Variants in PCMT1 observed in about 807,000 individuals in gnomAD.
PCMT1 encodes protein-L-isoaspartate(D-aspartate) O-methyltransferase.
In PCMT1, 9 loss-of-function variants were observed where a neutral mutation model predicts 29.2. That is an observed-to-expected ratio of 0.31 (90% CI 0.19 to 0.54). The LOEUF is 0.54. Among genes scored for constraint, PCMT1 ranks in the 20% least tolerant of loss-of-function variants. PCMT1 has a pLI of 0.95. For synonymous variants in PCMT1, 98 were observed against 97.5 expected (o/e 1.00, Z -0.03); for missense variants, 184 against 282.2 (o/e 0.65, Z 2.49).
chr6:149,804,370 TTTATAA>T (rs1775945421), intron 7 of PCMT1, among the ~76,000 whole-genome samples: 1 of 152,128 alleles, frequency 6.6e-6, no homozygotes, highest in African/African-American at 2.4e-5. Flanking sequence ...TAATTTATAA[TTTATAA>T]TTATGAAGGA....
intron 1 of PCMT1, among the ~76,000 whole-genome samples, chr6:149,762,591 C>A (rs1313992872): frequency 3.6e-5 from 2 of 55,372 alleles, no homozygotes; most frequent in Non-Finnish European, 6.3e-5. Context: ...ATATATATAT[C>A]TATGATATAT....
chr6:149,797,713 ATGAAGG>A (rs1307956651), intron 6 of PCMT1: 1 of 152,100 alleles, frequency 6.6e-6, no homozygotes, highest in Non-Finnish European at 1.5e-5. Context: ...ATGACCGGGG[ATGAAGG>A]TGACACTGTT....
chr6:149,749,721 G>A (rs1412614002), upstream of PCMT1: 1 of 1,538,842 alleles, frequency 6.5e-7, no homozygotes. Context: ...CATGCGTGCC[G>A]CGGGGGATGC....
chr6:149,808,909 T>G (rs551309152), intron 7 of PCMT1, among the ~76,000 whole-genome samples: 1 of 137,356 alleles, frequency 7.3e-6, no homozygotes, highest in Non-Finnish European at 1.6e-5. Context: ...GTGCTGGGAT[T>G]ACAGGTGTGA....
chr6:149,776,650 T>G (rs1787583623), intron 3 of PCMT1, among the ~76,000 whole-genome samples: 1 of 152,264 alleles, frequency 6.6e-6, no homozygotes, highest in African/African-American at 2.4e-5. Flanking sequence ...TGGGCTCTAG[T>G]GATCCTCTTG....
intron 1 of PCMT1, among the ~76,000 whole-genome samples, chr6:149,770,445 C>T (rs1415111458): frequency 3.9e-5 from 6 of 152,100 alleles, no homozygotes; most frequent in Non-Finnish European, 7.4e-5. Context: ...CACGGTGGCT[C>T]ACACCTATAA....
At chr6:149,787,310 G>GGGAGACCGTGGGGAGAT (rs1788155759) in intron 3 of PCMT1, among the ~76,000 whole-genome samples, 1 of 149,890 alleles carries the variant, frequency 6.7e-6, no homozygotes, top group Non-Finnish European at 1.5e-5. Context: ...CGTGGGGAGA[G>GGGAGACCGTGGGGAGAT]GGAGAGGGAG....
At chr6:149,799,460 T>A (rs575909662) in intron 6 of PCMT1, among the ~76,000 whole-genome samples, 134 of 152,246 alleles carry the variant, frequency 8.8e-4, no homozygotes, top group Middle Eastern at 3.4e-3. Context: ...ATTTCCAACC[T>A]CGAATTCTGT....
intron 1 of PCMT1, among the ~76,000 whole-genome samples, chr6:149,768,813 G>A (rs1285604901): frequency 6.6e-6 from 1 of 151,916 alleles, no homozygotes; most frequent in Non-Finnish European, 1.5e-5. Flanking sequence ...TTTTAGTAGA[G>A]ATGGGGTTTC....
chr6:149,804,838 T>C (rs74392926), intron 7 of PCMT1, among the ~76,000 whole-genome samples: 1 of 149,990 alleles, frequency 6.7e-6, no homozygotes, highest in Admixed American at 6.7e-5. Context: ...GTCTTACTGA[T>C]TTTTTTTTTA....
At chr6:149,791,331 G>A (rs1382626942) in intron 4 of PCMT1, among the ~76,000 whole-genome samples, 1 of 152,206 alleles carries the variant, frequency 6.6e-6, no homozygotes, top group African/African-American at 2.4e-5. Context: ...GAAAAATAAT[G>A]CCTTGTTATA....
intron 7 of PCMT1, among the ~76,000 whole-genome samples, chr6:149,803,053 A>C (rs1281114996): frequency 5.7e-5 from 1 of 17,628 alleles, no homozygotes; most frequent in African/African-American, 8.2e-4. Flanking sequence ...GCTCTGTCTC[A>C]AAAAAAAAAA....
chr6:149,769,770 A>AT lies in PCMT1; in HGVS notation c.56-1366dup, dbSNP rs34274281. On this transcript the variant is annotated intron_variant, in intron 1 of 7. Coordinates refer to ENST00000464889, the MANE Select transcript of PCMT1 (RefSeq NM_001360452.2). ...TGTGCCATGATCCCCAGCTAATTAAATTTTTTTTTTTTTTTTTTTTTTTTT... is the reference window on the plus strand; with the variant it reads ...TGTGCCATGATCCCCAGCTAATTAAATTTTTTTTTTTTTTTTTTTTTTTTTT... Among the ~76,000 whole-genome samples the AT allele has an allele frequency of 7.1e-3, 709 of 99,714 alleles. 34 individuals are homozygous for AT. Among genetic ancestry groups the AT allele is most frequent in the Middle Eastern group, 0.013 (2 of 150 alleles). 65.4% of individuals were successfully genotyped at this position (99,714 alleles called of 152,430 possible). A position where few individuals can be genotyped will look rare whatever the true frequency, so the allele number is the denominator to read the frequency against.
chr6:149,776,835 C>T (rs1787590154), intron 3 of PCMT1, among the ~76,000 whole-genome samples: 1 of 152,146 alleles, frequency 6.6e-6, no homozygotes, highest in African/African-American at 2.4e-5. Flanking sequence ...AACTGGCAGT[C>T]ACATACTTTT....
At chr6:149,752,124 T>G (rs1441679454) in intron 1 of PCMT1, among the ~76,000 whole-genome samples, 1 of 150,616 alleles carries the variant, frequency 6.6e-6, no homozygotes, top group Non-Finnish European at 1.5e-5. Context: ...AGCAATTTGT[T>G]GGACTCAGGC....
At chr6:149,792,576 G>A (rs1259485510) in intron 4 of PCMT1, among the ~76,000 whole-genome samples, 2 of 152,006 alleles carry the variant, frequency 1.3e-5, no homozygotes, top group Non-Finnish European at 2.9e-5. Flanking sequence ...GCAGTGGCAC[G>A]ATCTCAACTC....
chr6:149,774,892 A>G (rs1787495161), intron 3 of PCMT1, among the ~76,000 whole-genome samples: 1 of 151,682 alleles, frequency 6.6e-6, no homozygotes, highest in Admixed American at 6.6e-5. Flanking sequence ...ATTTTTTAGT[A>G]GAGACGGGGT....
intron 3 of PCMT1, among the ~76,000 whole-genome samples, chr6:149,784,477 T>C (rs1352332554): frequency 3.4e-5 from 5 of 147,296 alleles, no homozygotes; most frequent in South Asian, 4.2e-4. Context: ...AACTCTCTCT[T>C]TTTTTTTTTT....
chr6:149,804,600 G>A lies in PCMT1; in HGVS notation c.*37+2184G>A, dbSNP rs1190085071. On this transcript the variant is annotated intron_variant, in intron 7 of 7. Transcript: ENST00000464889. ...GCAATCTCAGCTCACTACAACCTCC[G>A]TCTCCCAGGTTCAAGCAATTCTCCT... 5.3e-5 allele frequency among the ~76,000 whole-genome samples: 8 copies of A among 151,870 alleles called. No homozygotes were observed. The East Asian group carries it at 5.8e-4, about 11-fold the overall frequency.
Sources: allele counts gnomAD v4.1 joint callset (sites outside exome capture counted in the v4.1 genomes callset), GRCh38; gene constraint gnomAD v4.1.1; transcripts MANE v1.5; gene names NCBI Gene and HGNC (gene_info 2026-07-23, HGNC 2026-07-21).